The following CREBBP variants were observed in gnomAD, a reference collection of about 807,000 sequenced individuals.
The protein encoded by CREBBP is CREB binding lysine acetyltransferase.
In CREBBP, 19 loss-of-function variants were observed where a neutral mutation model predicts 265.0. The observed-to-expected ratio is 0.07, with a 90% CI of 0.05 to 0.11. The LOEUF (loss-of-function observed/expected upper bound fraction) is 0.11. Ranked by LOEUF, CREBBP falls within the 10% of genes least tolerant of loss-of-function variation. The probability of loss-of-function intolerance (pLI) is 1.00; values close to 1 mark genes in which losing one functional copy is unlikely to be tolerated. For synonymous variants in CREBBP, 1,457 were observed against 1,223.7 expected (o/e 1.19, Z -3.98); for missense variants, 2,525 against 3,219.0 (o/e 0.78, Z 5.22).
At chr16:3,858,572 C>T (rs540786459) in intron 1 of CREBBP, among the ~76,000 whole-genome samples, 29 of 152,296 alleles carry the variant, frequency 1.9e-4, no homozygotes, top group African/African-American at 6.3e-4. Flanking sequence ...TAAAATGCTT[C>T]GTATGTACTA....
rs1028648371 is a variant in CREBBP at position 3,778,129 on chromosome 16, T to C, written c.1995A>G (p.Leu665=). ...GTAAACGCGACCTCCGTTTTTCTTCTAGTTCTTTTTGTATCTTGTAGATTT... is the reference window on the plus strand; with the variant it reads ...GTAAACGCGACCTCCGTTTTTCTTCCAGTTCTTTTTGTATCTTGTAGATTT... ...AEKIYKIQKE[L]EEKRRSRLHK... The change falls in exon 10 of 31, where the codon CTA becomes CTG. Residue 665 remains leucine (L), a synonymous_variant. Transcript: ENST00000262367. The C allele has an allele frequency of 2.5e-6, 4 of 1,613,452 alleles. No individual in the cohort carries two copies. Among genetic ancestry groups the C allele is most frequent in the Non-Finnish European group, 3.4e-6 (4 of 1,179,442 alleles).
chr16:3,854,481 G>A (rs1188349081), intron 1 of CREBBP, among the ~76,000 whole-genome samples: 1 of 152,202 alleles, frequency 6.6e-6, no homozygotes, highest in Non-Finnish European at 1.5e-5. Flanking sequence ...CATGTTATGT[G>A]AGAAAATACA....
In CREBBP at chr16:3,780,912, C is replaced by G. The variant is rs770922699; in HGVS notation, c.1677-34G>C. ...GAAATAAAGACACTTCATCCATCTA[C>G]TGAAGTGACTCAAACACACTTTGTC... On this transcript the variant is annotated intron_variant, in intron 7 of 30. Transcript: ENST00000262367. The G allele has an allele frequency of 9.3e-6, 15 of 1,610,892 alleles. 1 individual carries two copies. The South Asian group carries it at 1.7e-4, about 18-fold the overall frequency.
chr16:3,754,245 TGA>T (rs1367693253), intron 19 of CREBBP, among the ~76,000 whole-genome samples: 1 of 152,152 alleles, frequency 6.6e-6, no homozygotes, highest in East Asian at 1.9e-4. Context: ...ATTACTGTTC[TGA>T]GAGAGGAAGA....
chr16:3,878,052 T>C (rs2055440330), intron 1 of CREBBP, among the ~76,000 whole-genome samples: 1 of 152,238 alleles, frequency 6.6e-6, no homozygotes. Flanking sequence ...TGGATGTACA[T>C]ATAAGGACAT....
At chr16:3,741,028 C>T (rs562386190) in intron 23 of CREBBP, 21 of 230,074 alleles carry the variant, frequency 9.1e-5, no homozygotes, top group African/African-American at 3.1e-4. Context: ...AGAGCCTGTC[C>T]GGTGCCTCAG....
intron 5 of CREBBP, among the ~76,000 whole-genome samples, chr16:3,789,546 A>G (rs2053460144): frequency 6.6e-6 from 1 of 152,226 alleles, no homozygotes; most frequent in South Asian, 2.1e-4. Context: ...TATTGTCTTC[A>G]AAACCCAACC....
intron 3 of CREBBP, among the ~76,000 whole-genome samples, chr16:3,798,362 C>G (rs756579502): frequency 3.9e-5 from 6 of 152,108 alleles, no homozygotes; most frequent in Non-Finnish European, 8.8e-5. Context: ...CAAAGGATAC[C>G]ATTACAAAAT....
At chr16:3,757,665 T>G in intron 18 of CREBBP, 144 bp downstream of exon 18, 1 of 1,237,934 alleles carries the variant, frequency 8.1e-7, no homozygotes, top group Non-Finnish European at 1.1e-6. Flanking sequence ...ACCCATCACA[T>G]CGCTTCAGGC....
At chr16:3,830,739 T>C (rs1462026325) in intron 2 of CREBBP, among the ~76,000 whole-genome samples, 3 of 152,182 alleles carry the variant, frequency 2.0e-5, no homozygotes, top group Non-Finnish European at 4.4e-5. Flanking sequence ...AACCAACTTA[T>C]TCTAATAGAC....
At chr16:3,813,663 C>G (rs130051) in intron 2 of CREBBP, among the ~76,000 whole-genome samples, 3,976 of 152,282 alleles carry the variant, frequency 0.026, 180 homozygotes, top group East Asian at 0.19. Flanking sequence ...AACACCCACA[C>G]TCATTTTCCC....
chr16:3,774,131 A>G (rs904854742), intron 12 of CREBBP, among the ~76,000 whole-genome samples: 2 of 152,224 alleles, frequency 1.3e-5, no homozygotes, highest in Non-Finnish European at 2.9e-5. Context: ...TTTCTCAGGC[A>G]ATCTCTCAAA....
intron 2 of CREBBP, among the ~76,000 whole-genome samples, chr16:3,814,215 CTGTGTGTGTGTGTGTGTGTGTGTGTGTG>C (rs6145729): frequency 1.5e-3 from 161 of 104,058 alleles, no homozygotes; most frequent in African/African-American, 1.6e-3. Flanking sequence ...GAGTCTCGTT[CTGTGTGTGTGTGTGTGTGTGTGTGTGTG>C]TGTGTGTGTG....
chr16:3,736,552 G>T, intron 27 of CREBBP, 98 bp downstream of exon 27: 1 of 1,504,230 alleles, frequency 6.6e-7, no homozygotes, highest in Non-Finnish European at 9.2e-7. Context: ...CCTCATAAGT[G>T]AAGGTAATTA....
At chr16:3,817,169 C>A (rs1285447802) in intron 2 of CREBBP, among the ~76,000 whole-genome samples, 2 of 152,196 alleles carry the variant, frequency 1.3e-5, no homozygotes, top group Non-Finnish European at 2.9e-5. Flanking sequence ...CAAGTCCAGT[C>A]TGGCTATAAA....
chr16:3,746,764 G>C (rs60916180), intron 21 of CREBBP, among the ~76,000 whole-genome samples: 98 of 152,142 alleles, frequency 6.4e-4, no homozygotes, highest in African/African-American at 2.2e-3. Context: ...GGGTAAAATA[G>C]GGAGACCCCA....
At chr16:3,773,039 T>C (rs1213912167) in intron 13 of CREBBP, among the ~76,000 whole-genome samples, 3 of 151,830 alleles carry the variant, frequency 2.0e-5, no homozygotes, top group Admixed American at 1.3e-4. Context: ...AGAGCCGAGA[T>C]TGTACCACTG....
intron 2 of CREBBP, among the ~76,000 whole-genome samples, chr16:3,845,277 G>GT (rs2054643107): frequency 1.3e-5 from 2 of 152,278 alleles, no homozygotes; most frequent in South Asian, 4.1e-4. Flanking sequence ...TGTAGACAGA[G>GT]TTGAGAACCA....
intron 3 of CREBBP, among the ~76,000 whole-genome samples, chr16:3,808,823 G>A (rs2053881496): frequency 6.6e-6 from 1 of 152,218 alleles, no homozygotes; most frequent in African/African-American, 2.4e-5. Context: ...TGGTTACTGA[G>A]CAGGCATAAT....
Sources: gnomAD v4.1 joint callset for allele counts (sites outside exome capture counted in the v4.1 genomes callset) on GRCh38, gnomAD v4.1.1 for gene constraint, MANE v1.5 for transcripts, NCBI Gene and HGNC (gene_info 2026-07-23, HGNC 2026-07-21) for gene names.